The following DHX40 variants were observed in gnomAD, a reference collection of about 807,000 sequenced individuals.
DHX40 encodes probable ATP-dependent RNA helicase DHX40.
A neutral mutation model predicts 89.6 loss-of-function variants in DHX40; 28 were observed. The observed-to-expected ratio is 0.31, with a 90% CI of 0.23 to 0.43. DHX40 has a LOEUF of 0.43. Among genes scored for constraint, DHX40 ranks in the 20% least tolerant of loss-of-function variants. DHX40 has a pLI of 1.00. For missense variants in DHX40, 457 were observed against 844.0 expected, an observed-to-expected ratio of 0.54 and a Z score of 5.68; for synonymous variants, 226 against 283.6, an observed-to-expected ratio of 0.80 and a Z score of 2.04.
rs759522523 is a variant in DHX40 at position 59,605,479 on chromosome 17, A to G, written c.2005A>G (p.Ile669Val). The change falls in exon 17 of 18, where the codon ATT (isoleucine) becomes GTT (valine). Residue 669 changes from isoleucine to valine, a missense_variant. Ile to Val is a conservative substitution (Grantham distance 29). Around this residue, in one of 9 missense-constraint regions of DHX40, gnomAD observed 120 missense variants for 161.7 expected, o/e 0.74. Coordinates refer to ENST00000251241, the MANE Select transcript of DHX40 (RefSeq NM_024612.5). Reference sequence around the variant, plus strand: ...ACAGGAAACCAAACTTGAATGGATCATTTTTCATGAGGTATTGGTTACCAC... The same window carrying G: ...ACAGGAAACCAAACTTGAATGGATCGTTTTTCATGAGGTATTGGTTACCAC... Reference protein sequence around the residue: ...HEQETKLEWIIFHEVLVTTKV... With the variant: ...HEQETKLEWIVFHEVLVTTKV... The G allele has an allele frequency of 6.2e-7, 1 of 1,613,496 alleles. No homozygotes were observed. Among genetic ancestry groups the G allele is most frequent in the Non-Finnish European group, 8.5e-7 (1 of 1,179,450 alleles).
In DHX40 at chr17:59,606,031, T is replaced by TTTTC. The variant is rs965638823; in HGVS notation, c.2200+373_2200+376dup. ...GAATCCCCTTTGTTTCCAAGGGGCT[T>TTTTC]TTTCTTTCTTTCTTTCTTTTTCTTT... On this transcript the variant is annotated intron_variant, in intron 17 of 17. Coordinates refer to ENST00000251241, the MANE Select transcript of DHX40 (RefSeq NM_024612.5). Among the ~76,000 whole-genome samples, 31 of 152,102 alleles carry TTTTC rather than the reference T, an allele frequency of 2.0e-4. 2 individuals are homozygous for TTTTC. The highest frequency in any genetic ancestry group is 7.5e-4 in the African/African-American group (31 of 41,506).
At chr17:59,576,023 G>C (rs112915441) in intron 7 of DHX40, among the ~76,000 whole-genome samples, 1 of 144,746 alleles carries the variant, frequency 6.9e-6, no homozygotes, top group Non-Finnish European at 1.5e-5. Flanking sequence ...CCAAGTAGCT[G>C]GGATTGCAGG....
chr17:59,572,025 A>G (rs188042002), intron 3 of DHX40, among the ~76,000 whole-genome samples: 10 of 152,350 alleles, frequency 6.6e-5, no homozygotes, highest in East Asian at 5.8e-4. Context: ...CTTGAAGTCA[A>G]TGGAAAGCTG....
chr17:59,605,060 T>A (rs972314304), intron 15 of DHX40, 55 bp from the exon 16 acceptor site: 10 of 1,437,356 alleles, frequency 7.0e-6, no homozygotes, highest in Non-Finnish European at 9.8e-6. Context: ...TAATGCTCCA[T>A]TTACTTCATT....
intron 12 of DHX40, among the ~76,000 whole-genome samples, chr17:59,594,735 G>T (rs2029910581): frequency 6.6e-6 from 1 of 152,140 alleles, no homozygotes; most frequent in Non-Finnish European, 1.5e-5. Context: ...GTCATTATCT[G>T]TTATGCTTTG....
chr17:59,595,081 GTTTTTTGT>G (rs1175753172), intron 12 of DHX40, among the ~76,000 whole-genome samples: 1 of 132,858 alleles, frequency 7.5e-6, no homozygotes, highest in Non-Finnish European at 1.5e-5. Flanking sequence ...TAGATTTTTT[GTTTTTTGT>G]TTTTTTTTTT....
chr17:59,602,636 G>C lies in DHX40; in HGVS notation c.1901+20G>C. The C allele has an allele frequency of 6.3e-7, 1 of 1,586,396 alleles. No homozygotes were observed. The highest frequency in any genetic ancestry group is 1.7e-4 in the Middle Eastern group (1 of 5,986). ...TCGAAGGTAAGCAATAAAGACTTGA[G>C]AGATGGATCAAGATATAATACTGTA... On this transcript the variant is annotated intron_variant, in intron 15 of 17. Coordinates refer to ENST00000251241, the MANE Select transcript of DHX40 (RefSeq NM_024612.5).
chr17:59,586,724 T>A (rs1029609754), intron 11 of DHX40, among the ~76,000 whole-genome samples: 3 of 151,908 alleles, frequency 2.0e-5, no homozygotes, highest in African/African-American at 4.8e-5. Flanking sequence ...TAATAAATAT[T>A]GGTATTATTT....
intron 12 of DHX40, among the ~76,000 whole-genome samples, chr17:59,595,928 C>T (rs1342374546): frequency 1.3e-5 from 2 of 151,226 alleles, no homozygotes; most frequent in African/African-American, 4.9e-5. Flanking sequence ...CTTTCTCTTC[C>T]TCGGGGAATT....
chr17:59,571,550 T>C (rs1033165677), intron 3 of DHX40, among the ~76,000 whole-genome samples: 2 of 151,680 alleles, frequency 1.3e-5, no homozygotes, highest in African/African-American at 4.8e-5. Flanking sequence ...GAAACTCTTA[T>C]AGATTAAAAC....
chr17:59,568,439 CCTT>C (rs1252400902), intron 2 of DHX40, among the ~76,000 whole-genome samples: 19 of 151,982 alleles, frequency 1.3e-4, no homozygotes, highest in Non-Finnish European at 1.5e-5. Flanking sequence ...TGCAGTAATC[CCTT>C]CTTATCCTTG....
intron 7 of DHX40, 102 bp from the exon 8 acceptor site, chr17:59,577,164 C>A: frequency 1.0e-6 from 1 of 983,338 alleles, no homozygotes; most frequent in Non-Finnish European, 1.6e-6. Context: ...TCACCACGCC[C>A]GGCCTAGAAA....
intron 12 of DHX40, among the ~76,000 whole-genome samples, chr17:59,590,402 T>C (rs1236783414): frequency 6.6e-6 from 1 of 150,534 alleles, no homozygotes; most frequent in Non-Finnish European, 1.5e-5. Flanking sequence ...GATACATTTT[T>C]CTATAAAAAT....
chr17:59,592,258 A>T (rs978567581), intron 12 of DHX40, among the ~76,000 whole-genome samples: 5 of 152,064 alleles, frequency 3.3e-5, no homozygotes, highest in Non-Finnish European at 7.4e-5. Flanking sequence ...GAATCTACAG[A>T]AAGTAGTTTG....
At chr17:59,595,420 T>A (rs2029972877) in intron 12 of DHX40, among the ~76,000 whole-genome samples, 1 of 152,072 alleles carries the variant, frequency 6.6e-6, no homozygotes, top group Non-Finnish European at 1.5e-5. Flanking sequence ...TTTTCGGAGA[T>A]TTGTGACACT....
chr17:59,588,138 T>G, intron 12 of DHX40, 85 bp downstream of exon 12: 1 of 1,570,006 alleles, frequency 6.4e-7, no homozygotes, highest in African/African-American at 1.4e-5. Flanking sequence ...CCCATCACTT[T>G]GGGAGGGCAA....
intron 12 of DHX40, among the ~76,000 whole-genome samples, chr17:59,594,604 G>A (rs2531938): frequency 0.4 from 55,975 of 141,210 alleles, 15,333 homozygotes; most frequent in African/African-American, 0.78. Context: ...AGTTGCAAAC[G>A]TACAAACCTG....
At chr17:59,598,260 T>C (rs1450624778) in intron 12 of DHX40, among the ~76,000 whole-genome samples, 1 of 152,246 alleles carries the variant, frequency 6.6e-6, no homozygotes, top group South Asian at 2.1e-4. Flanking sequence ...ATTCCATTTA[T>C]AGAAAAATGA....
intron 2 of DHX40, 82 bp downstream of exon 2, chr17:59,566,876 G>T: frequency 8.0e-7 from 1 of 1,250,450 alleles, no homozygotes; most frequent in Non-Finnish European, 1.1e-6. Flanking sequence ...TGTACTCCAT[G>T]ATTGCCCAGT....
Sources: gnomAD v4.1 joint callset for allele counts (sites outside exome capture counted in the v4.1 genomes callset) on GRCh38, gnomAD v4.1.1 for gene constraint, gnomAD v4.1.1 regional missense constraint, MANE v1.5 for transcripts, NCBI Gene and HGNC (gene_info 2026-07-23, HGNC 2026-07-21) for gene names.